FIP1L1: variants seen among roughly 807,000 people sequenced by gnomAD.
FIP1L1 encodes factor interacting with PAPOLA and CPSF1.
In FIP1L1, 21 loss-of-function variants were observed where a neutral mutation model predicts 84.6. The ratio of observed to expected loss-of-function variants is 0.25; its 90% CI spans 0.18 to 0.36. The LOEUF is 0.36. FIP1L1 is among the 10% of genes least tolerant of loss of function. FIP1L1 has a pLI of 1.00. For missense variants in FIP1L1, 526 were observed against 751.1 expected (o/e 0.70, Z 3.50); for synonymous variants, 263 against 242.3 (o/e 1.09, Z -0.80).
Position 53,453,166 on chromosome 4 carries a change from A to G in FIP1L1, c.1499+33A>G, listed in dbSNP as rs1717034071. ...GGGTGTGCAGGAGTTTATACTATGT[A>G]TTTTATAAGCACTTACAAATTTATT... is the stretch of plus-strand genomic sequence containing the variant. On this transcript the variant is annotated intron_variant, in intron 16 of 17. Transcript: ENST00000337488. 4 of 1,605,070 alleles carry G rather than the reference A, an allele frequency of 2.5e-6. No individual in the cohort carries two copies. In the South Asian group the frequency reaches 4.4e-5, roughly 18 times the overall value.
At chr4:53,444,221 T>C (rs1204517818) in intron 15 of FIP1L1, 118 bp downstream of exon 15, 3 of 657,398 alleles carry the variant, frequency 4.6e-6, no homozygotes, top group Non-Finnish European at 8.1e-6. Context: ...TAAAAAATAT[T>C]AACTACAGGA....
chr4:53,400,286 TTTG>T (rs1749551875), intron 10 of FIP1L1, among the ~76,000 whole-genome samples: 6 of 152,272 alleles, frequency 3.9e-5, no homozygotes, highest in Admixed American at 3.3e-4. Context: ...ATTGGAACCA[TTTG>T]TTGTTGTTGT....
chr4:53,420,226 C>CAAAA (rs1278306396), intron 11 of FIP1L1, among the ~76,000 whole-genome samples: 3 of 57,126 alleles, frequency 5.3e-5, no homozygotes, highest in African/African-American at 1.1e-4. Context: ...AAAAAAAAAA[C>CAAAA]CAGCCTGACC....
At chr4:53,455,002 TATAG>T (rs768739869) in intron 16 of FIP1L1, among the ~76,000 whole-genome samples, 4 of 152,232 alleles carry the variant, frequency 2.6e-5, no homozygotes, top group Non-Finnish European at 5.9e-5. Context: ...TTTTATGTTA[TATAG>T]ATAGTGTCTT....
At position 53,459,635 on chromosome 4, in the gene FIP1L1, C is replaced by T. The variant is rs1721392525; in HGVS notation, c.*186C>T. 1 of 780,116 alleles carries T rather than the reference C, an allele frequency of 1.3e-6. No homozygotes were observed. Among genetic ancestry groups the T allele is most frequent in the Non-Finnish European group, 2.0e-6 (1 of 489,918 alleles). 48.3% of individuals were successfully genotyped at this position (780,116 alleles called of 1,614,324 possible). On this transcript the variant is annotated 3_prime_UTR_variant, in exon 18 of 18. Transcript: ENST00000337488. ...TTAAGTTAAAAATCTTTGTCTTGTA[C>T]TATTTCAAAAATAAAAAGACAGCAA...
At position 53,444,076 on chromosome 4, in the gene FIP1L1, T is replaced by A. The variant is rs1323504628; in HGVS notation, c.1258T>A (p.Ser420Thr). The part of the protein sequence containing the change: ...SGHSSGYDSR[S>T]ARAFPYGNVA... ...ACATTCCTCTGGTTATGATAGTCGT[T>A]CTGCACGTGCATTTCCATATGGCAA... The change falls in exon 15 of 18, where the codon TCT becomes ACT. Residue 420 changes from serine to threonine, a missense_variant. Physicochemically the swap from Ser to Thr is moderately conservative, Grantham distance 58. This residue lies in a region of FIP1L1 where 83 missense variants were observed against 93.8 expected (regional missense o/e 0.88). Coordinates refer to ENST00000337488, the MANE Select transcript of FIP1L1 (RefSeq NM_030917.4). 4 of 1,608,074 alleles carry A rather than the reference T, an allele frequency of 2.5e-6. No homozygotes were observed. The highest frequency in any genetic ancestry group is 2.2e-5 in the South Asian group (2 of 90,944).
At chr4:53,380,603 A>G (rs552486667) in intron 3 of FIP1L1, among the ~76,000 whole-genome samples, 3 of 152,322 alleles carry the variant, frequency 2.0e-5, no homozygotes, top group Non-Finnish European at 4.4e-5. Context: ...AAAGTGAGAA[A>G]TGGAAGTAGA....
chr4:53,411,009 T>C (rs998863100), intron 10 of FIP1L1, among the ~76,000 whole-genome samples: 7 of 152,186 alleles, frequency 4.6e-5, no homozygotes, highest in African/African-American at 1.7e-4. Context: ...TTTCTTGAAA[T>C]TAATGGCCAT....
chr4:53,434,536 A>G (rs796929580), intron 13 of FIP1L1, among the ~76,000 whole-genome samples: 16 of 150,190 alleles, frequency 1.1e-4, no homozygotes, highest in African/African-American at 3.4e-4. Context: ...CAGTGGCACT[A>G]TCTCAGCTCA....
chr4:53,404,044 T>C lies in FIP1L1; in HGVS notation c.815+4205T>C, dbSNP rs866696741. On this transcript the variant is annotated intron_variant, in intron 10 of 17. Transcript: ENST00000337488. ...TTTTATTATACTTTAAGTTTTAGGGTACATGTGCACAATGTGCAGTTTAGT... is the reference window on the plus strand; with the variant it reads ...TTTTATTATACTTTAAGTTTTAGGGCACATGTGCACAATGTGCAGTTTAGT... Among the ~76,000 whole-genome samples the C allele has an allele frequency of 2.6e-5, 4 of 151,238 alleles. No homozygotes were observed. The South Asian group carries it at 6.3e-4, about 24-fold the overall frequency.
intron 11 of FIP1L1, among the ~76,000 whole-genome samples, chr4:53,416,564 A>G: frequency 6.6e-6 from 1 of 152,230 alleles, no homozygotes; most frequent in East Asian, 1.9e-4. Context: ...GAATTTGCCC[A>G]AATTCACAGC....
At chr4:53,398,401 A>G (rs550966181) in intron 9 of FIP1L1, among the ~76,000 whole-genome samples, 12 of 152,332 alleles carry the variant, frequency 7.9e-5, no homozygotes, top group African/African-American at 2.9e-4. Context: ...GACACTATTA[A>G]TAAGAGAGCT....
At chr4:53,452,358 G>C (rs1234128392) in intron 15 of FIP1L1, among the ~76,000 whole-genome samples, 1 of 149,084 alleles carries the variant, frequency 6.7e-6, no homozygotes, top group South Asian at 2.1e-4. Flanking sequence ...TCACTCTGTC[G>C]CCCAGGCTAG....
chr4:53,450,897 T>G (rs183523417), intron 15 of FIP1L1, among the ~76,000 whole-genome samples: 1 of 152,310 alleles, frequency 6.6e-6, no homozygotes, highest in Admixed American at 6.5e-5. Context: ...CATCTTCATG[T>G]GATCATCCTT....
chr4:53,406,449 G>A (rs74502039), intron 10 of FIP1L1, among the ~76,000 whole-genome samples: 19,758 of 152,184 alleles, frequency 0.13, 2,553 homozygotes, highest in African/African-American at 0.32. Flanking sequence ...ATGTTCATCA[G>A]GGATATTGGT....
chr4:53,454,297 G>A (rs1013432881), intron 16 of FIP1L1, among the ~76,000 whole-genome samples: 4 of 152,112 alleles, frequency 2.6e-5, no homozygotes, highest in African/African-American at 9.7e-5. Context: ...AGGAGCAATA[G>A]GCTATAACAT....
At chr4:53,453,945 A>G (rs1024811874) in intron 16 of FIP1L1, among the ~76,000 whole-genome samples, 2 of 152,150 alleles carry the variant, frequency 1.3e-5, no homozygotes, top group Non-Finnish European at 2.9e-5. Context: ...TTTGTATTCA[A>G]ATTTTTACTT....
At chr4:53,410,743 CA>C (rs1268560060) in intron 10 of FIP1L1, among the ~76,000 whole-genome samples, 2 of 152,106 alleles carry the variant, frequency 1.3e-5, no homozygotes, top group Non-Finnish European at 2.9e-5. Flanking sequence ...CTGCAGATCC[CA>C]AAAGTGCAAA....
chr4:53,419,307 A>G (rs1298415528), intron 11 of FIP1L1, among the ~76,000 whole-genome samples: 1 of 152,204 alleles, frequency 6.6e-6, no homozygotes, highest in Non-Finnish European at 1.5e-5. Flanking sequence ...GAAAATTAGT[A>G]TGATAAACAC....
Sources: gnomAD v4.1 joint callset for allele counts (sites outside exome capture counted in the v4.1 genomes callset) on GRCh38, gnomAD v4.1.1 for gene constraint, gnomAD v4.1.1 regional missense constraint, MANE v1.5 for transcripts, NCBI Gene and HGNC (gene_info 2026-07-23, HGNC 2026-07-21) for gene names.